STIM1: variants seen among roughly 807,000 people sequenced by gnomAD.
STIM1 encodes stromal interaction molecule 1.
In STIM1, 25 loss-of-function variants were observed where a neutral mutation model predicts 74.7. The observed-to-expected ratio is 0.33, with a 90% CI of 0.24 to 0.47. The LOEUF (loss-of-function observed/expected upper bound fraction) is 0.47. Among genes scored for constraint, STIM1 ranks in the 20% least tolerant of loss-of-function variants. STIM1 has a pLI of 1.00. For missense variants in STIM1, 728 were observed against 920.8 expected (o/e 0.79, Z 2.71); for synonymous variants, 328 against 348.8 (o/e 0.94, Z 0.66).
chr11:3,952,618 T>C (rs1321379312), intron 1 of STIM1, among the ~76,000 whole-genome samples: 1 of 152,154 alleles, frequency 6.6e-6, no homozygotes, highest in Non-Finnish European at 1.5e-5. Context: ...ATTTCAATAA[T>C]TAGGGATTGG....
At chr11:3,962,434 G>A (rs984401358) in intron 1 of STIM1, among the ~76,000 whole-genome samples, 1 of 149,090 alleles carries the variant, frequency 6.7e-6, no homozygotes, top group South Asian at 2.2e-4. Context: ...TTCTTTTATG[G>A]CTGAGTAGTA....
intron 1 of STIM1, among the ~76,000 whole-genome samples, chr11:3,904,609 T>C (rs1267304425): frequency 1.3e-5 from 2 of 152,116 alleles, no homozygotes; most frequent in Non-Finnish European, 2.9e-5. Context: ...AGATTATAAC[T>C]AGAGGCAGGG....
chr11:3,962,445 T>TTGTG (rs139472251), intron 1 of STIM1, among the ~76,000 whole-genome samples: 43,432 of 147,548 alleles, frequency 0.29, 6,631 homozygotes, highest in South Asian at 0.45. Flanking sequence ...CTGAGTAGTA[T>TTGTG]TGTGTGTGTG....
chr11:3,859,463 A>G (rs1041357971), intron 1 of STIM1, among the ~76,000 whole-genome samples: 2 of 152,168 alleles, frequency 1.3e-5, no homozygotes, highest in African/African-American at 2.4e-5. Context: ...GAAAACAACA[A>G]TGGTTTCTGT....
At chr11:4,074,001 A>G (rs2094422159) in intron 6 of STIM1, among the ~76,000 whole-genome samples, 1 of 152,148 alleles carries the variant, frequency 6.6e-6, no homozygotes, top group Non-Finnish European at 1.5e-5. Flanking sequence ...CTTTTTGTCA[A>G]GCTTGCAGGG....
chr11:3,933,681 G>C (rs1207611115), intron 1 of STIM1, among the ~76,000 whole-genome samples: 1 of 152,090 alleles, frequency 6.6e-6, no homozygotes, highest in Non-Finnish European at 1.5e-5. Context: ...ATAACCTAGA[G>C]TCTCTCTCTC....
intron 1 of STIM1, among the ~76,000 whole-genome samples, chr11:3,858,791 T>G (rs2090487936): frequency 6.6e-6 from 1 of 152,218 alleles, no homozygotes; most frequent in South Asian, 2.1e-4. Flanking sequence ...TATTTTACAA[T>G]TACATAGCTG....
chr11:3,941,585 ATGTGTGTGTG>A (rs111336047), intron 1 of STIM1, among the ~76,000 whole-genome samples: 12 of 139,578 alleles, frequency 8.6e-5, no homozygotes, highest in South Asian at 2.4e-4. Context: ...AAGCATATAT[ATGTGTGTGTG>A]TGTGTGTGTG....
chr11:4,007,742 G>A (rs1399126517), intron 2 of STIM1, among the ~76,000 whole-genome samples: 2 of 152,140 alleles, frequency 1.3e-5, no homozygotes, highest in Non-Finnish European at 2.9e-5. Context: ...TGTACAACAG[G>A]AATTACAAAC....
intron 2 of STIM1, among the ~76,000 whole-genome samples, chr11:3,978,055 T>G (rs2093465700): frequency 6.6e-6 from 1 of 152,068 alleles, no homozygotes; most frequent in Non-Finnish European, 1.5e-5. Context: ...GTGGTTGATA[T>G]TAAGAGGGAG....
intron 1 of STIM1, among the ~76,000 whole-genome samples, chr11:3,864,391 A>C (rs183557236): frequency 2.0e-4 from 30 of 152,286 alleles, no homozygotes; most frequent in South Asian, 1.0e-3. Flanking sequence ...GTCTCTCATG[A>C]GATGGCAGTC....
intron 4 of STIM1, chr11:4,059,039 A>G (rs1814035536): frequency 1.1e-6 from 1 of 932,900 alleles, no homozygotes. Flanking sequence ...GGTAATCCTT[A>G]GAGGATAGGG....
chr11:4,028,389 C>CT (rs1172770870), intron 3 of STIM1, among the ~76,000 whole-genome samples: 19 of 149,774 alleles, frequency 1.3e-4, no homozygotes, highest in Admixed American at 8.0e-4. Flanking sequence ...GTGAATATTT[C>CT]TTTTTTTTTC....
At chr11:4,045,187 G>A (rs1425495015) in intron 3 of STIM1, among the ~76,000 whole-genome samples, 2 of 152,016 alleles carry the variant, frequency 1.3e-5, no homozygotes, top group Non-Finnish European at 2.9e-5. Context: ...CAATAAAAAA[G>A]TAGCCTTCTT....
chr11:3,864,318 T>C (rs2090759384), intron 1 of STIM1, among the ~76,000 whole-genome samples: 2 of 152,264 alleles, frequency 1.3e-5, no homozygotes, highest in Admixed American at 1.3e-4. Context: ...AAGTATTTAT[T>C]ATCTCATAGA....
At chr11:4,005,188 A>G (rs1377508284) in intron 2 of STIM1, among the ~76,000 whole-genome samples, 1 of 152,192 alleles carries the variant, frequency 6.6e-6, no homozygotes, top group Non-Finnish European at 1.5e-5. Context: ...CTCCTCAGGG[A>G]TCTAGAACTA....
chr11:4,052,938 C>T (rs1158078855), intron 3 of STIM1, among the ~76,000 whole-genome samples: 1 of 152,216 alleles, frequency 6.6e-6, no homozygotes, highest in Non-Finnish European at 1.5e-5. Context: ...ACAGACACTT[C>T]TCAAAAGAAG....
chr11:3,919,402 A>T (rs78883346), intron 1 of STIM1, among the ~76,000 whole-genome samples: 81,470 of 151,734 alleles, frequency 0.54, 23,309 homozygotes, highest in African/African-American at 0.76. Flanking sequence ...ACGGGGTTTC[A>T]CCATCTTGGC....
In STIM1 at chr11:4,091,636, C is replaced by T. The variant is rs1356617333; in HGVS notation, c.1989C>T (p.Asp663=). 6 of 1,614,112 alleles carry T rather than the reference C, an allele frequency of 3.7e-6. No individual in the cohort carries two copies. The African/African-American group carries it at 6.7e-5, about 18-fold the overall frequency. ...PDPDTPSPVG[D]SRALQASRNT... ...CAGACACACCATCTCCAGTTGGGGACAGCCGAGCCCTGCAAGCCAGCCGAA... is the reference window on the plus strand; with the variant it reads ...CAGACACACCATCTCCAGTTGGGGATAGCCGAGCCCTGCAAGCCAGCCGAA... Residue 663 remains aspartate, a synonymous_variant, in exon 13 of 13, where the codon GAC becomes GAT. Coordinates refer to ENST00000526596, the MANE Select transcript of STIM1 (RefSeq NM_001382567.1).
Sources: gnomAD v4.1 joint callset for allele counts (sites outside exome capture counted in the v4.1 genomes callset) on GRCh38, gnomAD v4.1.1 for gene constraint, MANE v1.5 for transcripts, NCBI Gene and HGNC (gene_info 2026-07-23, HGNC 2026-07-21) for gene names.